The following RNF175 variants were observed in gnomAD, a reference collection of about 807,000 sequenced individuals.
RNF175 encodes the protein ring finger protein 175.
In RNF175, 38 loss-of-function variants were observed where a neutral mutation model predicts 50.0. The ratio of observed to expected loss-of-function variants is 0.76; its 90% CI spans 0.59 to 1.00. The LOEUF (loss-of-function observed/expected upper bound fraction) is 1.00. RNF175 is among the 50% of genes least tolerant of loss of function. RNF175 has a pLI of 0.00. For missense variants in RNF175, 388 were observed against 409.6 expected (o/e 0.95, Z 0.46); for synonymous variants, 155 against 146.1 (o/e 1.06, Z -0.44).
rs1036419918 is a variant in RNF175, at chr4:153,743,685, A to T, written c.246+4960T>A. The stretch of plus-strand genomic sequence containing the variant: ...TTAGGACTACAGAGCCCCACTGGGT[A>T]GCCATAAAACATAGGAGCTGTGTGA... On this transcript the variant is annotated intron_variant, in intron 3 of 8. Coordinates refer to ENST00000347063, the MANE Select transcript of RNF175 (RefSeq NM_173662.4). Among the ~76,000 whole-genome samples, 5 of 152,188 alleles carry T rather than the reference A, an allele frequency of 3.3e-5. No homozygotes were observed. The East Asian group carries it at 9.6e-4, about 29-fold the overall frequency.
intron 3 of RNF175, among the ~76,000 whole-genome samples, chr4:153,729,265 C>G (rs1274897359): frequency 2.6e-5 from 4 of 152,206 alleles, no homozygotes; most frequent in Non-Finnish European, 5.9e-5. Flanking sequence ...AGGGTTTTGT[C>G]TCAAGGGTGT....
chr4:153,740,730 G>A (rs1490115280), intron 3 of RNF175, among the ~76,000 whole-genome samples: 1 of 152,078 alleles, frequency 6.6e-6, no homozygotes, highest in Non-Finnish European at 1.5e-5. Flanking sequence ...CCATATCTGA[G>A]TCTGGTTCTT....
At chr4:153,756,746 C>T (rs1740586246) in intron 1 of RNF175, among the ~76,000 whole-genome samples, 2 of 152,050 alleles carry the variant, frequency 1.3e-5, no homozygotes, top group Admixed American at 6.5e-5. Context: ...AAATGATGCA[C>T]AATAAACAAG....
chr4:153,728,421 A>C, intron 3 of RNF175, 60 bp from the exon 4 acceptor site: 27 of 1,406,360 alleles, frequency 1.9e-5, no homozygotes, highest in Non-Finnish European at 2.5e-5. Context: ...TGGCATCTCC[A>C]CTATTAAATG....
intron 3 of RNF175, among the ~76,000 whole-genome samples, chr4:153,731,244 A>G (rs1259365388): frequency 6.6e-6 from 1 of 152,234 alleles, no homozygotes; most frequent in East Asian, 1.9e-4. Flanking sequence ...CATTTTAAAT[A>G]GTAACTGCCA....
intron 8 of RNF175, 37 bp downstream of exon 8, chr4:153,712,438 A>G: frequency 8.3e-7 from 1 of 1,199,218 alleles, no homozygotes; most frequent in Non-Finnish European, 1.2e-6. Context: ...GAAACATTCA[A>G]GATAATCTCT....
chr4:153,711,456 C>T (rs1036720446), intron 8 of RNF175, among the ~76,000 whole-genome samples: 1 of 152,154 alleles, frequency 6.6e-6, no homozygotes, highest in African/African-American at 2.4e-5. Flanking sequence ...CTCCTTGAAT[C>T]CCTCCCTGAT....
At chr4:153,748,242 C>A (rs1459524815) in intron 3 of RNF175, among the ~76,000 whole-genome samples, 1 of 152,208 alleles carries the variant, frequency 6.6e-6, no homozygotes, top group Non-Finnish European at 1.5e-5. Context: ...TCCTCCTTTT[C>A]CTGGACTGTT....
At chr4:153,712,410 T>C (rs1206777257) in intron 8 of RNF175, 65 bp downstream of exon 8, 27 of 1,059,410 alleles carry the variant, frequency 2.5e-5, no homozygotes, top group Admixed American at 4.4e-5. Flanking sequence ...AAACTTTTCA[T>C]TGAAGAATAT....
chr4:153,748,769 A>G lies in RNF175; in HGVS notation c.122T>C (p.Met41Thr), dbSNP rs987960891. The G allele has an allele frequency of 1.9e-6, 3 of 1,612,508 alleles. No individual in the cohort carries two copies. The highest frequency in any genetic ancestry group is 2.5e-6 in the Non-Finnish European group (3 of 1,179,320). Residue 41 changes from methionine (M) to threonine (T), a missense_variant, in exon 3 of 9, where the codon ATG becomes ACG. Coordinates refer to ENST00000347063, the MANE Select transcript of RNF175 (RefSeq NM_173662.4). Reference sequence around the variant, plus strand: ...ATCGTGGCCCCGGTGCATCTTGTACATCCTCTCCTGCTGCAGGCTGGAACC... The same window carrying G: ...ATCGTGGCCCCGGTGCATCTTGTACGTCCTCTCCTGCTGCAGGCTGGAACC... ...EDTWNLQQER[M>T]YKMHRGHDSM...
chr4:153,738,838 T>C (rs1739492985), intron 3 of RNF175, among the ~76,000 whole-genome samples: 1 of 152,244 alleles, frequency 6.6e-6, no homozygotes, highest in South Asian at 2.1e-4. Flanking sequence ...CTGGGTATTT[T>C]ATGAGATTCC....
intron 3 of RNF175, among the ~76,000 whole-genome samples, chr4:153,743,834 A>G (rs546285825): frequency 1.8e-4 from 27 of 152,330 alleles, no homozygotes; most frequent in African/African-American, 6.5e-4. Context: ...TTGTGCAGTT[A>G]GCAACAGGAA....
At chr4:153,743,227 C>G (rs1192549357) in intron 3 of RNF175, among the ~76,000 whole-genome samples, 1 of 152,130 alleles carries the variant, frequency 6.6e-6, no homozygotes, top group Non-Finnish European at 1.5e-5. Context: ...CAGACATCAC[C>G]AAGAGTGGCT....
intron 1 of RNF175, among the ~76,000 whole-genome samples, chr4:153,756,413 T>C (rs6535950): frequency 0.64 from 96,874 of 151,676 alleles, 32,370 homozygotes; most frequent in African/African-American, 0.83. Context: ...TTCAGTGTCC[T>C]CCATCCCCCA....
intron 1 of RNF175, among the ~76,000 whole-genome samples, chr4:153,757,088 C>A (rs1391452441): frequency 6.6e-6 from 1 of 152,206 alleles, no homozygotes; most frequent in Non-Finnish European, 1.5e-5. Context: ...CCAAGCAGAG[C>A]TTTCCTGTCC....
chr4:153,737,897 T>G (rs1221376275), intron 3 of RNF175, among the ~76,000 whole-genome samples: 1 of 152,260 alleles, frequency 6.6e-6, no homozygotes, highest in Non-Finnish European at 1.5e-5. Context: ...AAAAGATGTA[T>G]TAAAATCTTT....
chr4:153,749,554 A>G (rs1740178333), intron 2 of RNF175, among the ~76,000 whole-genome samples: 1 of 152,232 alleles, frequency 6.6e-6, no homozygotes, highest in African/African-American at 2.4e-5. Flanking sequence ...AGACATTCCC[A>G]TGATGGCTGA....
intron 3 of RNF175, among the ~76,000 whole-genome samples, chr4:153,747,975 T>C (rs975932186): frequency 2.0e-5 from 3 of 152,206 alleles, no homozygotes; most frequent in Non-Finnish European, 2.9e-5. Flanking sequence ...TGTCATCTCA[T>C]GGCAGAAGGT....
In RNF175 at chr4:153,759,790, C is replaced by T; in HGVS notation, c.66+7G>A. 1 of 1,478,552 alleles carries T rather than the reference C, an allele frequency of 6.8e-7. No homozygotes were observed. Among genetic ancestry groups the T allele is most frequent in the Non-Finnish European group, 8.9e-7 (1 of 1,121,760 alleles). The allele number at this position is 1,478,552 out of a possible 1,614,324, so 91.6% of individuals were successfully genotyped here. On this transcript the variant is annotated splice_region_variant and intron_variant, in intron 1 of 8. Coordinates refer to ENST00000347063, the MANE Select transcript of RNF175 (RefSeq NM_173662.4). ...CGTCCCCCACGCCCGCGCCCCCGCG[C>T]CAGTACCTGCTCCTGCTGCGGGGGG...
Sources: gnomAD v4.1 joint callset for allele counts (sites outside exome capture counted in the v4.1 genomes callset) on GRCh38, gnomAD v4.1.1 for gene constraint, MANE v1.5 for transcripts, NCBI Gene and HGNC (gene_info 2026-07-23, HGNC 2026-07-21) for gene names.